HDAC9: variants seen among roughly 807,000 people sequenced by gnomAD.
HDAC9 encodes the protein histone deacetylase 9.
Under a neutral mutation model 139.4 loss-of-function variants are expected in HDAC9, and 41 were observed. That is an observed-to-expected ratio of 0.29 (90% confidence interval 0.23 to 0.38). HDAC9 has a LOEUF of 0.38. HDAC9 is among the 10% of genes least tolerant of loss of function. The probability of loss-of-function intolerance (pLI) is 1.00; values close to 1 mark genes in which losing one functional copy is unlikely to be tolerated. For missense variants in HDAC9, 1,147 were observed against 1,297.0 expected, an observed-to-expected ratio of 0.88 and a Z score of 1.78; for synonymous variants, 517 against 476.2, an observed-to-expected ratio of 1.09 and a Z score of -1.12.
chr7:18,115,275 A>G (rs1233950239), intron 1 of HDAC9, among the ~76,000 whole-genome samples: 2 of 144,412 alleles, frequency 1.4e-5, no homozygotes, highest in African/African-American at 5.0e-5. Flanking sequence ...CCTAGGTGAC[A>G]GAGCGAGACT....
chr7:18,743,516 A>C (rs901888475), intron 13 of HDAC9, among the ~76,000 whole-genome samples: 4 of 151,972 alleles, frequency 2.6e-5, no homozygotes, highest in Non-Finnish European at 4.4e-5. Flanking sequence ...ACTGTTTGGT[A>C]CTTTGAGTTC....
At chr7:18,607,513 G>A (rs961792722) in intron 6 of HDAC9, among the ~76,000 whole-genome samples, 1 of 152,182 alleles carries the variant, frequency 6.6e-6, no homozygotes, top group African/African-American at 2.4e-5. Flanking sequence ...AGTACAGTGT[G>A]TGACATGGGT....
chr7:18,096,038 T>TCCCTCAAA (rs1782479879), intron 1 of HDAC9, among the ~76,000 whole-genome samples: 1 of 152,180 alleles, frequency 6.6e-6, no homozygotes, highest in Non-Finnish European at 1.5e-5. Flanking sequence ...AATGTCAGGT[T>TCCCTCAAA]TAATGAGGTA....
intron 21 of HDAC9, among the ~76,000 whole-genome samples, chr7:18,864,763 T>C (rs1261031551): frequency 1.3e-5 from 2 of 152,064 alleles, no homozygotes; most frequent in Admixed American, 6.6e-5. Context: ...TGGGAAGTTA[T>C]TGAGTTACTG....
intron 2 of HDAC9, among the ~76,000 whole-genome samples, chr7:18,561,707 C>T (rs1178873823): frequency 3.3e-5 from 5 of 152,110 alleles, no homozygotes; most frequent in South Asian, 4.1e-4. Flanking sequence ...AATATGTGGT[C>T]GCTTCTGACT....
chr7:18,434,782 A>C (rs1006649572), intron 1 of HDAC9, among the ~76,000 whole-genome samples: 2 of 152,158 alleles, frequency 1.3e-5, no homozygotes, highest in African/African-American at 2.4e-5. Context: ...ACACTTATAC[A>C]CAGTTGGTGG....
chr7:18,895,821 C>T (rs1801144383), intron 22 of HDAC9, among the ~76,000 whole-genome samples: 1 of 151,932 alleles, frequency 6.6e-6, no homozygotes, highest in Admixed American at 6.6e-5. Flanking sequence ...ACTCAATTTC[C>T]AAGAGTTTCC....
At chr7:18,263,375 T>C (rs1009551430) in intron 2 of HDAC9, among the ~76,000 whole-genome samples, 6 of 152,188 alleles carry the variant, frequency 3.9e-5, no homozygotes, top group Admixed American at 3.3e-4. Context: ...GTCCACAGCT[T>C]GATTCAACAA....
At chr7:18,277,674 T>C (rs1796831488) in intron 2 of HDAC9, among the ~76,000 whole-genome samples, 1 of 152,200 alleles carries the variant, frequency 6.6e-6, no homozygotes, top group Admixed American at 6.5e-5. Context: ...CATTTTCTCA[T>C]TTCCTGACAA....
At chr7:18,714,452 A>C (rs1318653718) in intron 12 of HDAC9, among the ~76,000 whole-genome samples, 1 of 152,162 alleles carries the variant, frequency 6.6e-6, no homozygotes, top group Non-Finnish European at 1.5e-5. Flanking sequence ...CATGGCCTCC[A>C]CAATTCTATT....
intron 12 of HDAC9, among the ~76,000 whole-genome samples, chr7:18,713,031 C>A (rs1382915727): frequency 1.3e-5 from 2 of 152,088 alleles, no homozygotes; most frequent in Non-Finnish European, 2.9e-5. Context: ...TCCATTTGTT[C>A]TTTGTTCCGT....
chr7:18,511,595 C>CAAAT (rs973674062), intron 2 of HDAC9, among the ~76,000 whole-genome samples: 1 of 151,968 alleles, frequency 6.6e-6, no homozygotes, highest in East Asian at 1.9e-4. Flanking sequence ...GACTCTGTCT[C>CAAAT]AAATAAATAA....
chr7:18,136,902 C>T (rs1268097036), intron 1 of HDAC9, among the ~76,000 whole-genome samples: 1 of 151,664 alleles, frequency 6.6e-6, no homozygotes. Flanking sequence ...GGCAGTATGG[C>T]CATTTTCACG....
chr7:18,144,164 T>C (rs1786121877), intron 1 of HDAC9, among the ~76,000 whole-genome samples: 1 of 152,222 alleles, frequency 6.6e-6, no homozygotes, highest in Admixed American at 6.5e-5. Flanking sequence ...TAATACATGT[T>C]TATTTTAGAA....
At position 18,987,853 on chromosome 7, in the gene HDAC9, G is replaced by A. The variant is rs576139370; in HGVS notation, c.3171-8170G>A. 2.4e-3 allele frequency among the ~76,000 whole-genome samples: 370 copies of A among 152,224 alleles called. 3 individuals are homozygous for A. Among genetic ancestry groups the A allele is most frequent in the African/African-American group, 5.9e-3 (244 of 41,534 alleles). The stretch of plus-strand genomic sequence containing the variant: ...CTTCTAGATTTTCTAGTTTATTGGC[G>A]TAGAGGTGTTTGTAGTATTCTCTGA... On this transcript the variant is annotated intron_variant, in intron 25 of 25. Coordinates refer to ENST00000686413, the MANE Select transcript of HDAC9 (RefSeq NM_178425.4).
chr7:18,505,589 ATC>A (rs1204297233), intron 2 of HDAC9, among the ~76,000 whole-genome samples: 4 of 152,156 alleles, frequency 2.6e-5, no homozygotes, highest in Non-Finnish European at 5.9e-5. Flanking sequence ...GTTTTACTTT[ATC>A]TTGAGTTAAT....
At chr7:18,601,335 A>G (rs941096878) in intron 6 of HDAC9, among the ~76,000 whole-genome samples, 1 of 152,218 alleles carries the variant, frequency 6.6e-6, no homozygotes, top group African/African-American at 2.4e-5. Context: ...GCCAATTGGT[A>G]TAACAGCTTA....
chr7:18,376,821 G>A (rs1785026621), intron 1 of HDAC9, among the ~76,000 whole-genome samples: 1 of 152,120 alleles, frequency 6.6e-6, no homozygotes, highest in African/African-American at 2.4e-5. Context: ...GTCTTCATCA[G>A]CTTAGGCTGC....
At chr7:18,916,022 G>GGAAAAAAAAAAAAAAAAAAAAAAA (rs1491394538) in intron 22 of HDAC9, among the ~76,000 whole-genome samples, 14 of 138,120 alleles carry the variant, frequency 1.0e-4, no homozygotes, top group South Asian at 2.3e-4. Context: ...CCCCCCGCTG[G>GGAAAAAAAAAAAAAAAAAAAAAAA]AAAAAAAAAA....
Sources: gnomAD v4.1 joint callset for allele counts (sites outside exome capture counted in the v4.1 genomes callset) on GRCh38, gnomAD v4.1.1 for gene constraint, MANE v1.5 for transcripts, NCBI Gene and HGNC (gene_info 2026-07-23, HGNC 2026-07-21) for gene names.